Variants in SNTG1 observed in about 807,000 individuals in gnomAD.
SNTG1 encodes gamma-1-syntrophin.
Under a neutral mutation model 74.7 loss-of-function variants are expected in SNTG1, and 39 were observed. The ratio of observed to expected loss-of-function variants is 0.52; its 90% CI spans 0.40 to 0.68. The LOEUF (loss-of-function observed/expected upper bound fraction) is 0.68. Among genes scored for constraint, SNTG1 ranks in the 30% least tolerant of loss-of-function variants. The pLI is 0.00. For synonymous variants in SNTG1, 254 were observed against 217.1 expected (o/e 1.17, Z -1.49); for missense variants, 685 against 609.5 (o/e 1.12, Z -1.30).
chr8:50,164,530 A>G (rs1262331793), intron 1 of SNTG1: 1 of 152,254 alleles, frequency 6.6e-6, no homozygotes, highest in Non-Finnish European at 1.5e-5. Flanking sequence ...GATAATTTTT[A>G]GTGAACACAT....
intron 18 of SNTG1, among the ~76,000 whole-genome samples, chr8:50,789,198 G>T (rs370985617): frequency 6.6e-6 from 1 of 151,784 alleles, no homozygotes; most frequent in Admixed American, 6.6e-5. Flanking sequence ...TCCATAAAAC[G>T]ACTCTTGTAA....
chr8:50,680,652 C>T (rs1024658943), intron 15 of SNTG1, among the ~76,000 whole-genome samples: 3 of 152,100 alleles, frequency 2.0e-5, no homozygotes, highest in Non-Finnish European at 4.4e-5. Flanking sequence ...CAACACCCTT[C>T]GGAGGCAGTC....
chr8:50,360,956 C>A (rs956796365), intron 2 of SNTG1, among the ~76,000 whole-genome samples: 24 of 152,170 alleles, frequency 1.6e-4, no homozygotes, highest in African/African-American at 5.1e-4. Flanking sequence ...TTTAAAATTT[C>A]TTTAATAAAA....
intron 2 of SNTG1, among the ~76,000 whole-genome samples, chr8:50,277,787 G>C (rs1241843635): frequency 6.6e-6 from 1 of 152,026 alleles, no homozygotes; most frequent in Admixed American, 6.5e-5. Flanking sequence ...TATAAATTAA[G>C]TTTTTATTAA....
At chr8:50,589,045 A>G (rs908344844) in intron 12 of SNTG1, among the ~76,000 whole-genome samples, 11 of 152,110 alleles carry the variant, frequency 7.2e-5, no homozygotes, top group African/African-American at 2.2e-4. Flanking sequence ...TCTGATACAG[A>G]TATTCTAATG....
chr8:50,118,094 T>A (rs1205027750), intron 1 of SNTG1, among the ~76,000 whole-genome samples: 1 of 152,196 alleles, frequency 6.6e-6, no homozygotes, highest in East Asian at 1.9e-4. Context: ...AACAATCTAT[T>A]TGATAATAAA....
intron 2 of SNTG1, among the ~76,000 whole-genome samples, chr8:50,287,358 A>C (rs2088842818): frequency 6.6e-6 from 1 of 152,180 alleles, no homozygotes; most frequent in African/African-American, 2.4e-5. Flanking sequence ...TATGAATAAA[A>C]ACACTCAGAT....
At chr8:50,095,810 T>G (rs977110583) in intron 1 of SNTG1, among the ~76,000 whole-genome samples, 7 of 152,206 alleles carry the variant, frequency 4.6e-5, no homozygotes, top group African/African-American at 1.7e-4. Context: ...GAATCTCTCC[T>G]TTGTGGTCAG....
At chr8:49,986,451 G>C (rs1813160116) in intron 1 of SNTG1, among the ~76,000 whole-genome samples, 2 of 152,136 alleles carry the variant, frequency 1.3e-5, no homozygotes, top group Admixed American at 1.3e-4. Context: ...CATTGGGATT[G>C]TGCAATATTA....
intron 8 of SNTG1, among the ~76,000 whole-genome samples, chr8:50,457,266 G>T (rs1054904853): frequency 9.9e-5 from 15 of 152,192 alleles, no homozygotes; most frequent in African/African-American, 3.6e-4. Flanking sequence ...CCACAGAGCT[G>T]CAGCACACAA....
intron 1 of SNTG1, among the ~76,000 whole-genome samples, chr8:50,119,705 T>C (rs1269306578): frequency 7.0e-6 from 1 of 141,892 alleles, no homozygotes; most frequent in Non-Finnish European, 1.6e-5. Flanking sequence ...CTTGTATTGA[T>C]TCAGTTTGTA....
At position 50,687,314 on chromosome 8, in the gene SNTG1, C is replaced by G. The variant is rs1161302257; in HGVS notation, c.1039-17286C>G. Among the ~76,000 whole-genome samples the G allele has an allele frequency of 5.9e-5, 9 of 151,978 alleles. No homozygotes were observed. The East Asian group carries it at 1.7e-3, about 29-fold the overall frequency. On this transcript the variant is annotated intron_variant, in intron 15 of 18. Transcript: ENST00000642720. ...AGTAGTAAATCCTTAACTATCAATA[C>G]TAATCTTGAGTAGAAATGAATTAAA...
intron 1 of SNTG1, among the ~76,000 whole-genome samples, chr8:50,041,489 A>G (rs1022262482): frequency 6.6e-6 from 1 of 152,214 alleles, no homozygotes; most frequent in East Asian, 1.9e-4. Context: ...AACACTAAGC[A>G]TTGTATTCAA....
intron 11 of SNTG1, among the ~76,000 whole-genome samples, chr8:50,537,411 T>C (rs894043822): frequency 4.6e-5 from 7 of 152,220 alleles, no homozygotes; most frequent in African/African-American, 1.7e-4. Flanking sequence ...GTCTAAATTA[T>C]AAGATTTATT....
At chr8:50,792,290 C>T (rs1048063904) in intron 18 of SNTG1, among the ~76,000 whole-genome samples, 11 of 151,310 alleles carry the variant, frequency 7.3e-5, no homozygotes, top group Admixed American at 3.3e-4. Context: ...TTTAAATTGC[C>T]CTAATCCATA....
At chr8:49,913,924 C>A (rs1290028172) in intron 1 of SNTG1, among the ~76,000 whole-genome samples, 1 of 152,132 alleles carries the variant, frequency 6.6e-6, no homozygotes, top group African/African-American at 2.4e-5. Flanking sequence ...GCAGAGGGGG[C>A]AGGCTTTCTC....
chr8:50,031,884 A>G (rs1381791201), intron 1 of SNTG1, among the ~76,000 whole-genome samples: 2 of 152,090 alleles, frequency 1.3e-5, no homozygotes, highest in Non-Finnish European at 1.5e-5. Flanking sequence ...GAATGTGTAG[A>G]ATTTACGTCT....
At chr8:50,197,406 T>C (rs956113964) in intron 2 of SNTG1, among the ~76,000 whole-genome samples, 1 of 152,216 alleles carries the variant, frequency 6.6e-6, no homozygotes, top group Admixed American at 6.5e-5. Flanking sequence ...ATTGTACTTT[T>C]GCTCAGCATT....
At chr8:50,591,578 G>A (rs2094692030) in intron 13 of SNTG1, among the ~76,000 whole-genome samples, 1 of 152,118 alleles carries the variant, frequency 6.6e-6, no homozygotes, top group Non-Finnish European at 1.5e-5. Context: ...TTATTTTGAG[G>A]ATTAAATAAT....
Sources: gnomAD v4.1 joint callset for allele counts (sites outside exome capture counted in the v4.1 genomes callset) on GRCh38, gnomAD v4.1.1 for gene constraint, MANE v1.5 for transcripts, NCBI Gene and HGNC (gene_info 2026-07-23, HGNC 2026-07-21) for gene names.